NCKAP5: variants seen among roughly 807,000 people sequenced by gnomAD.
The protein encoded by NCKAP5 is nck-associated protein 5.
Under a neutral mutation model 167.0 loss-of-function variants are expected in NCKAP5, and 92 were observed. The observed-to-expected ratio is 0.55, with a 90% CI of 0.47 to 0.66. The LOEUF is 0.66. Among genes scored for constraint, NCKAP5 ranks in the 30% least tolerant of loss-of-function variants. The probability of loss-of-function intolerance (pLI) is 0.00; values close to 1 mark genes in which losing one functional copy is unlikely to be tolerated. For synonymous variants in NCKAP5, 891 were observed against 877.4 expected (o/e 1.02, Z -0.27); for missense variants, 2,378 against 2,315.0 (o/e 1.03, Z -0.56).
At chr2:133,170,472 A>G (rs1281104378) in intron 5 of NCKAP5, among the ~76,000 whole-genome samples, 2 of 152,224 alleles carry the variant, frequency 1.3e-5, no homozygotes, top group Non-Finnish European at 2.9e-5. Flanking sequence ...GGTTTCTATC[A>G]TTGTGAGTTC....
the NCKAP5 span, among the ~76,000 whole-genome samples, chr2:133,592,021 C>A: frequency 6.6e-6 from 1 of 151,232 alleles, no homozygotes; most frequent in Non-Finnish European, 1.5e-5. Flanking sequence ...CACACAAATG[C>A]ACGTTTATTC....
At chr2:133,558,417 G>A (rs369478862) in intron 2 of NCKAP5, among the ~76,000 whole-genome samples, 1 of 151,912 alleles carries the variant, frequency 6.6e-6, no homozygotes, top group Non-Finnish European at 1.5e-5. Flanking sequence ...AGGGAAGAAC[G>A]AAGACAGAAG....
At chr2:132,861,552 G>A (rs570214946) in intron 10 of NCKAP5, among the ~76,000 whole-genome samples, 20 of 151,958 alleles carry the variant, frequency 1.3e-4, no homozygotes, top group African/African-American at 3.9e-4. Flanking sequence ...AAGGTCTGGC[G>A]TGTTGTTCTC....
chr2:133,227,396 G>A (rs1056688494), intron 4 of NCKAP5, among the ~76,000 whole-genome samples: 1 of 152,178 alleles, frequency 6.6e-6, no homozygotes, highest in African/African-American at 2.4e-5. Flanking sequence ...TATTGACTTA[G>A]TTCATATTCC....
intron 4 of NCKAP5, among the ~76,000 whole-genome samples, chr2:133,232,887 G>A (rs1053038648): frequency 6.6e-6 from 1 of 152,120 alleles, no homozygotes; most frequent in Non-Finnish European, 1.5e-5. Flanking sequence ...ATACCTCAAT[G>A]GCAAAATGTC....
chr2:133,270,176 G>C (rs978891199), intron 4 of NCKAP5, among the ~76,000 whole-genome samples: 1 of 152,150 alleles, frequency 6.6e-6, no homozygotes, highest in Non-Finnish European at 1.5e-5. Context: ...TGTTATTAAT[G>C]TTTGCCAACC....
chr2:133,286,016 G>A (rs1298911679), intron 4 of NCKAP5, among the ~76,000 whole-genome samples: 1 of 141,312 alleles, frequency 7.1e-6, no homozygotes, highest in Non-Finnish European at 1.5e-5. Context: ...TTTTTTTTGA[G>A]GTGGAGTCTT....
intron 7 of NCKAP5, among the ~76,000 whole-genome samples, chr2:132,985,707 G>A (rs1307792972): frequency 6.6e-6 from 1 of 152,162 alleles, no homozygotes; most frequent in Admixed American, 6.5e-5. Context: ...TCAAGGAAGA[G>A]TTTCAGCCCT....
chr2:133,116,796 A>G (rs2082099078), intron 6 of NCKAP5, among the ~76,000 whole-genome samples: 1 of 152,168 alleles, frequency 6.6e-6, no homozygotes, highest in Admixed American at 6.5e-5. Context: ...GCCTTTGCAA[A>G]TTGCTTAACC....
intron 4 of NCKAP5, among the ~76,000 whole-genome samples, chr2:133,259,412 A>T (rs1276027896): frequency 6.6e-6 from 1 of 152,218 alleles, no homozygotes; most frequent in Non-Finnish European, 1.5e-5. Flanking sequence ...ATTACTATGA[A>T]CTCATGAAAC....
At chr2:133,254,096 A>G (rs991146905) in intron 4 of NCKAP5, among the ~76,000 whole-genome samples, 4 of 152,184 alleles carry the variant, frequency 2.6e-5, no homozygotes, top group African/African-American at 4.8e-5. Flanking sequence ...ATGGCCCCCA[A>G]TGACCCCTGT....
intron 8 of NCKAP5, among the ~76,000 whole-genome samples, chr2:132,950,607 T>C (rs1401438616): frequency 2.0e-5 from 3 of 152,218 alleles, no homozygotes; most frequent in Admixed American, 1.3e-4. Context: ...GTTTTCTTAT[T>C]TGTCTTTCTC....
At chr2:133,308,335 G>A (rs1371237610) in intron 3 of NCKAP5, among the ~76,000 whole-genome samples, 6 of 151,856 alleles carry the variant, frequency 4.0e-5, no homozygotes, top group African/African-American at 9.7e-5. Flanking sequence ...TGATCCGCCC[G>A]CCTCGGCCTC....
intron 3 of NCKAP5, among the ~76,000 whole-genome samples, chr2:133,348,588 C>T (rs888647752): frequency 1.6e-4 from 24 of 152,164 alleles, no homozygotes; most frequent in Admixed American, 4.6e-4. Flanking sequence ...TTAGCCCACA[C>T]GTCATACTAC....
chr2:133,430,916 G>C (rs1181327221), intron 3 of NCKAP5, among the ~76,000 whole-genome samples: 2 of 151,798 alleles, frequency 1.3e-5, no homozygotes, highest in Non-Finnish European at 2.9e-5. Flanking sequence ...CTTTCTACAG[G>C]TCTGAAATTG....
chr2:132,986,535 C>T (rs1310688115), intron 7 of NCKAP5, among the ~76,000 whole-genome samples: 1 of 152,128 alleles, frequency 6.6e-6, no homozygotes, highest in Non-Finnish European at 1.5e-5. Context: ...CAGGAACTTT[C>T]CAGTTCTTGA....
chr2:133,526,894 G>A (rs1684968359), intron 2 of NCKAP5, among the ~76,000 whole-genome samples: 1 of 152,150 alleles, frequency 6.6e-6, no homozygotes, highest in African/African-American at 2.4e-5. Flanking sequence ...TGGATTGGAA[G>A]AATATTTAGA....
At chr2:132,796,782 C>A in intron 11 of NCKAP5, 53 bp from the exon 12 acceptor site, 1 of 1,246,844 alleles carries the variant, frequency 8.0e-7, no homozygotes, top group Non-Finnish European at 1.2e-6. Context: ...TTATTTGTCT[C>A]AAAATCCTGC....
At chr2:132,898,019 C>T (rs1039359670) in intron 8 of NCKAP5, among the ~76,000 whole-genome samples, 1 of 152,188 alleles carries the variant, frequency 6.6e-6, no homozygotes, top group African/African-American at 2.4e-5. Flanking sequence ...TTTCACAGAA[C>T]ATTTTTCTAT....
Sources: allele counts gnomAD v4.1 joint callset (sites outside exome capture counted in the v4.1 genomes callset), GRCh38; gene constraint gnomAD v4.1.1; transcripts MANE v1.5; gene names NCBI Gene and HGNC (gene_info 2026-07-23, HGNC 2026-07-21).